HS1BP3: variants seen among roughly 807,000 people sequenced by gnomAD.
HS1BP3 encodes HCLS1 binding protein 3.
Under a neutral mutation model 33.5 loss-of-function variants are expected in HS1BP3, and 32 were observed. The ratio of observed to expected loss-of-function variants is 0.95; its 90% CI spans 0.72 to 1.28. The LOEUF is 1.28. Ranked by LOEUF, HS1BP3 falls within the 50% of genes most tolerant of loss-of-function variation. HS1BP3 has a pLI of 0.00. For missense variants in HS1BP3, 486 were observed against 502.3 expected (o/e 0.97, Z 0.31); for synonymous variants, 187 against 209.2 (o/e 0.89, Z 0.92).
At chr2:20,556,357 C>G (rs1692840677), downstream of HS1BP3, among the ~76,000 whole-genome samples, 2 of 152,162 alleles carry the variant, frequency 1.3e-5, no homozygotes, top group South Asian at 4.1e-4. Context: ...CAAAATGTGT[C>G]CTGACTGCCC....
At chr2:20,640,870 A>G (rs780056827) in intron 3 of HS1BP3, 103 bp downstream of exon 3, 6 of 1,166,246 alleles carry the variant, frequency 5.1e-6, no homozygotes, top group Non-Finnish European at 7.6e-6. Flanking sequence ...TGAAGCCTCC[A>G]GGCTGCAGAG....
intron 2 of HS1BP3, chr2:20,606,312 C>A: frequency 2.2e-6 from 1 of 461,556 alleles, no homozygotes; most frequent in Non-Finnish European, 4.4e-6. Context: ...GGTGCATCTC[C>A]ACCCTTGGTA....
intron 2 of HS1BP3, among the ~76,000 whole-genome samples, chr2:20,641,410 G>A (rs1439048145): frequency 2.0e-5 from 3 of 152,146 alleles, no homozygotes; most frequent in Non-Finnish European, 4.4e-5. Context: ...ATGCAATAAC[G>A]GTGCCATTCT....
Position 20,624,803 on chromosome 2 carries a change from T to G in HS1BP3, c.713A>C (p.Asp238Ala). ...LTIFDEEVDPDEGLFGPGRKL... is the reference protein window; with the variant it reads ...LTIFDEEVDPAEGLFGPGRKL... ...CCTGCCCGGGCCAAAGAGCCCCTCA[T>G]CAGGGTCCACCTCCTCGTCAAAGAT... The change falls in exon 5 of 7, where the codon GAT (aspartate) becomes GCT (alanine). Residue 238 changes from aspartate to alanine, a missense_variant. Physicochemically the swap from Asp to Ala is moderately radical, Grantham distance 126. Coordinates refer to ENST00000304031, the MANE Select transcript of HS1BP3 (RefSeq NM_022460.4). 1.9e-6 allele frequency: 3 copies of G among 1,613,606 alleles called. No individual in the cohort carries two copies. Among genetic ancestry groups the G allele is most frequent in the Non-Finnish European group, 2.5e-6 (3 of 1,179,826 alleles).
intron 2 of HS1BP3, among the ~76,000 whole-genome samples, chr2:20,606,860 A>G (rs947522535): frequency 5.3e-5 from 8 of 152,030 alleles, no homozygotes; most frequent in Non-Finnish European, 7.4e-5. Context: ...TAGATCCTTA[A>G]ACGATATATG....
chr2:20,590,212 G>GT (rs1024031953), downstream of HS1BP3, among the ~76,000 whole-genome samples: 2 of 152,136 alleles, frequency 1.3e-5, no homozygotes, highest in Non-Finnish European at 2.9e-5. Flanking sequence ...CTCTGTGTGT[G>GT]TTTTTTGGTG....
rs774272284 is a variant in HS1BP3, at chr2:20,624,862, C to T, written c.654G>A (p.Val218=). 6.2e-7 allele frequency: 1 copy of T among 1,613,774 alleles called. No homozygotes were observed. Among genetic ancestry groups the T allele is most frequent in the Admixed American group, 1.7e-5 (1 of 59,954 alleles). Reference sequence around the variant, plus strand: ...GGGGCGAGGGCTTGGCTTTCACGGCCACTTTGGGATGTTTCTTGGGCTTCT... The same window carrying T: ...GGGGCGAGGGCTTGGCTTTCACGGCTACTTTGGGATGTTTCTTGGGCTTCT... The part of the protein sequence containing the change: ...RSKKPKKHPK[V]AVKAKPSPRL... Residue 218 remains valine (V), a synonymous_variant, in exon 5 of 7, where the codon GTG becomes GTA. Coordinates refer to ENST00000304031, the MANE Select transcript of HS1BP3 (RefSeq NM_022460.4).
At chr2:20,620,775 A>C (rs373290982) in intron 6 of HS1BP3, among the ~76,000 whole-genome samples, 1 of 152,254 alleles carries the variant, frequency 6.6e-6, no homozygotes, top group African/African-American at 2.4e-5. Context: ...AATGTACAGG[A>C]AGGCTGTATG....
At chr2:20,593,249 T>A (rs1693862241) in intron 3 of HS1BP3, among the ~76,000 whole-genome samples, 1 of 152,102 alleles carries the variant, frequency 6.6e-6, no homozygotes, top group South Asian at 2.1e-4. Flanking sequence ...CTTGCAACCT[T>A]CCCGGAACAC....
At chr2:20,571,141 G>A (rs1022382052) in intron 5 of HS1BP3, among the ~76,000 whole-genome samples, 7 of 152,146 alleles carry the variant, frequency 4.6e-5, no homozygotes, top group East Asian at 1.9e-4. Flanking sequence ...TAGACTTTGC[G>A]GTTAAAGGAA....
chr2:20,562,022 G>GGACT (rs1480754850), intron 5 of HS1BP3, among the ~76,000 whole-genome samples: 1 of 152,166 alleles, frequency 6.6e-6, no homozygotes, highest in Non-Finnish European at 1.5e-5. Context: ...AAACCCCAAA[G>GGACT]GACTAGGTTT....
intron 4 of HS1BP3, among the ~76,000 whole-genome samples, chr2:20,627,197 C>T (rs1694813771): frequency 6.6e-6 from 1 of 152,248 alleles, no homozygotes; most frequent in South Asian, 2.1e-4. Flanking sequence ...CCACCCCGGC[C>T]CCTACCCAGG....
chr2:20,564,703 C>G (rs879264519), intron 5 of HS1BP3, among the ~76,000 whole-genome samples: 1 of 152,066 alleles, frequency 6.6e-6, no homozygotes, highest in South Asian at 2.1e-4. Context: ...AGGCTGGTCT[C>G]GAACTCCTGA....
chr2:20,599,400 C>T (rs1246827329), intron 2 of HS1BP3, among the ~76,000 whole-genome samples: 2 of 152,228 alleles, frequency 1.3e-5, no homozygotes, highest in South Asian at 2.1e-4. Flanking sequence ...CAGTTAGGGA[C>T]GTGGCCTGTG....
intron 5 of HS1BP3, among the ~76,000 whole-genome samples, chr2:20,583,689 G>A (rs1160731145): frequency 1.3e-5 from 2 of 152,180 alleles, no homozygotes; most frequent in African/African-American, 2.4e-5. Context: ...GCTCTCCTCC[G>A]TCCCTGTGAG....
chr2:20,607,124 T>A (rs1694206555), intron 2 of HS1BP3, among the ~76,000 whole-genome samples: 1 of 151,850 alleles, frequency 6.6e-6, no homozygotes, highest in South Asian at 2.1e-4. Context: ...GTTGAGTTAA[T>A]TTTTGCATAT....
intron 2 of HS1BP3, among the ~76,000 whole-genome samples, chr2:20,644,119 C>A (rs1177803691): frequency 6.6e-6 from 1 of 152,184 alleles, no homozygotes; most frequent in African/African-American, 2.4e-5. Context: ...TCCTAATAAT[C>A]CTGGACCTGT....
At chr2:20,638,174 G>C (rs553572823) in intron 4 of HS1BP3, 1 of 589,432 alleles carries the variant, frequency 1.7e-6, no homozygotes, top group Non-Finnish European at 3.0e-6. Flanking sequence ...CCAAGCCCCA[G>C]TGCGGAGCCA....
At position 20,611,906 on chromosome 2, in the gene HS1BP3, C is replaced by A. The variant is rs1202029401; in HGVS notation, c.178+11990G>T. Among the ~76,000 whole-genome samples, 3 of 152,218 alleles carry A rather than the reference C, an allele frequency of 2.0e-5. No individual in the cohort carries two copies. In the East Asian group the frequency reaches 5.8e-4, roughly 29 times the overall value. The stretch of plus-strand genomic sequence containing the variant: ...ACAACCACCCTCCATGGAGAGCAAG[C>A]CATCAGCACCCCTTTCCACGAAGAT... On this transcript the variant is annotated intron_variant, in intron 2 of 3. Transcript: ENST00000415264. This position sits in a 1 kb window ranked among gnomAD's most constrained non-coding sequence, Gnocchi z 4.9.
Sources: gnomAD v4.1 joint callset for allele counts (sites outside exome capture counted in the v4.1 genomes callset) on GRCh38, gnomAD v4.1.1 for gene constraint, Gnocchi (gnomAD v3.1) non-coding constraint, MANE v1.5 for transcripts, NCBI Gene and HGNC (gene_info 2026-07-23, HGNC 2026-07-21) for gene names.